TTYH2: variants seen among roughly 807,000 people sequenced by gnomAD.
TTYH2 encodes the protein protein tweety homolog 2.
In TTYH2, 49 loss-of-function variants were observed where a neutral mutation model predicts 68.3. That is an observed-to-expected ratio of 0.72 (90% CI 0.57 to 0.91). The LOEUF (loss-of-function observed/expected upper bound fraction) is 0.91. Ranked by LOEUF, TTYH2 falls within the 40% of genes least tolerant of loss-of-function variation. TTYH2 has a pLI of 0.00. For missense variants in TTYH2, 631 were observed against 700.4 expected, an observed-to-expected ratio of 0.90 and a Z score of 1.12; for synonymous variants, 272 against 300.8, an observed-to-expected ratio of 0.90 and a Z score of 0.99.
In TTYH2 at chr17:74,213,685, C is replaced by G. The variant is rs1007905577; in HGVS notation, c.98C>G (p.Thr33Ser). The part of the protein sequence containing the change: ...VGLRLQPVNS[T>S]FSPGDESYQE... ...CTGCGCCTGCAGCCCGTGAACAGCA[C>G]CTTCAGCCCCGGCGACGAGAGTTAC... The change falls in exon 1 of 14, where the codon ACC becomes AGC. Residue 33 changes from threonine to serine, a missense_variant. Thr to Ser is a moderately conservative substitution (Grantham distance 58, BLOSUM62 1). Coordinates refer to ENST00000269346, the MANE Select transcript of TTYH2 (RefSeq NM_032646.6). This position sits in a 1 kb window ranked among gnomAD's most constrained non-coding sequence, Gnocchi z 6.1. The G allele has an allele frequency of 3.7e-6, 6 of 1,612,724 alleles. No individual in the cohort carries two copies. The highest frequency in any genetic ancestry group is 5.1e-6 in the Non-Finnish European group (6 of 1,179,540).
At chr17:74,225,862 G>A (rs73356612) in intron 2 of TTYH2, among the ~76,000 whole-genome samples, 6,285 of 152,282 alleles carry the variant, frequency 0.041, 399 homozygotes, top group African/African-American at 0.14. Context: ...GGAGGGACAG[G>A]TCCAGGCAGA....
chr17:74,218,645 C>T (rs1350185063), intron 1 of TTYH2, among the ~76,000 whole-genome samples: 1 of 152,178 alleles, frequency 6.6e-6, no homozygotes, highest in Non-Finnish European at 1.5e-5. Flanking sequence ...GGAGAGGCCC[C>T]AGGCCACAGG....
intron 6 of TTYH2, among the ~76,000 whole-genome samples, chr17:74,246,378 T>C (rs2050557646): frequency 6.6e-6 from 1 of 152,188 alleles, no homozygotes; most frequent in Non-Finnish European, 1.5e-5. Context: ...ACACAGAGAA[T>C]AACAGGACTT....
At chr17:74,259,084 C>CT (rs1268317845) in intron 13 of TTYH2, among the ~76,000 whole-genome samples, 1 of 152,188 alleles carries the variant, frequency 6.6e-6, no homozygotes, top group African/African-American at 2.4e-5. Context: ...GGACGAGTAA[C>CT]TAAGTTCTGT....
chr17:74,219,403 A>AAAAAAAAAAAAAAAAAAAAAAAAAG (rs1241503126), intron 1 of TTYH2, among the ~76,000 whole-genome samples: 4 of 149,652 alleles, frequency 2.7e-5, no homozygotes, highest in African/African-American at 1.0e-4. Flanking sequence ...AAAAAAAAAA[A>AAAAAAAAAAAAAAAAAAAAAAAAAG]GAATAACTTA....
At chr17:74,224,288 C>T (rs544301124) in intron 2 of TTYH2, among the ~76,000 whole-genome samples, 45 of 152,234 alleles carry the variant, frequency 3.0e-4, no homozygotes, top group Middle Eastern at 3.4e-3. Context: ...GTAGTCCTGA[C>T]TGAGGCAGGA....
chr17:74,240,487 G>T (rs934625522), intron 4 of TTYH2, among the ~76,000 whole-genome samples: 2 of 150,878 alleles, frequency 1.3e-5, no homozygotes, highest in Non-Finnish European at 2.9e-5. Context: ...CACCTATGGC[G>T]CCTGAACATC....
intron 10 of TTYH2, chr17:74,251,845 A>C: frequency 4.9e-6 from 1 of 204,590 alleles, no homozygotes; most frequent in South Asian, 9.1e-5. Context: ...CTGCTGGCCT[A>C]TGTTCTCTCT....
At chr17:74,233,324 G>C (rs1302000885) in intron 3 of TTYH2, among the ~76,000 whole-genome samples, 2 of 152,216 alleles carry the variant, frequency 1.3e-5, no homozygotes, top group East Asian at 3.8e-4. Context: ...GGAGGCAGCA[G>C]ATCTTAGAAG....
At chr17:74,253,412 C>A in intron 12 of TTYH2, 146 bp downstream of exon 12, 1 of 970,384 alleles carries the variant, frequency 1.0e-6, no homozygotes, top group South Asian at 1.7e-5. Flanking sequence ...GGGAAGGCCC[C>A]CGGGGAGCAT....
At chr17:74,248,899 C>A in intron 6 of TTYH2, 112 bp from the exon 7 acceptor site, 1 of 1,563,476 alleles carries the variant, frequency 6.4e-7, no homozygotes, top group South Asian at 1.2e-5. Flanking sequence ...CTGTCCTTTG[C>A]CACCTGGGAG....
rs181726945 is a variant in TTYH2, at chr17:74,241,296, T to C, written c.636-2078T>C. Among the ~76,000 whole-genome samples, 2,304 of 146,348 alleles carry C rather than the reference T, an allele frequency of 0.016. 68 individuals are homozygous for C. The highest frequency in any genetic ancestry group is 0.052 in the African/African-American group (2,080 of 39,746). On this transcript the variant is annotated intron_variant, in intron 4 of 13. Transcript: ENST00000269346. The surrounding 1 kb of genome is among the most constrained non-coding windows in gnomAD (Gnocchi z 4.1). Reference sequence around the variant, plus strand: ...GTGTGTGTGTGTGTGTGTGTGTGTGTGCGTGTAAAAATAAGAATGTGATCC... The same window carrying C: ...GTGTGTGTGTGTGTGTGTGTGTGTGCGCGTGTAAAAATAAGAATGTGATCC...
chr17:74,234,210 AG>A (rs1181028999), intron 3 of TTYH2, among the ~76,000 whole-genome samples: 1 of 152,188 alleles, frequency 6.6e-6, no homozygotes, highest in East Asian at 1.9e-4. Flanking sequence ...GTGAGTTCCC[AG>A]GGGGTGCATC....
rs978253134 is a variant in TTYH2 at position 74,213,903 on chromosome 17, G to C, written c.129+187G>C. 6.6e-6 allele frequency among the ~76,000 whole-genome samples: 1 copy of C among 151,952 alleles called. No individual in the cohort carries two copies. The highest frequency in any genetic ancestry group is 1.5e-5 in the Non-Finnish European group (1 of 67,980). On this transcript the variant is annotated intron_variant, in intron 1 of 13. Coordinates refer to ENST00000269346, the MANE Select transcript of TTYH2 (RefSeq NM_032646.6). The surrounding 1 kb of genome is among the most constrained non-coding windows in gnomAD (Gnocchi z 6.1). ...AGGCCCGTGGCCCGCGTCCCCTCCT[G>C]TCTGGGAACCTGGGGGCCGGGAAAA... is the stretch of plus-strand genomic sequence containing the variant.
chr17:74,251,505 CCT>C (rs1004408448), intron 10 of TTYH2, among the ~76,000 whole-genome samples: 89 of 152,026 alleles, frequency 5.9e-4, no homozygotes, highest in African/African-American at 2.1e-3. Flanking sequence ...GGCAGTCACC[CCT>C]GTCTCCTCTC....
chr17:74,245,689 G>A (rs1030727847), intron 6 of TTYH2, among the ~76,000 whole-genome samples: 3 of 152,246 alleles, frequency 2.0e-5, no homozygotes, highest in Non-Finnish European at 4.4e-5. Context: ...CGGTGGAGCT[G>A]AATGGGCTTT....
rs2050205362 is a variant in TTYH2 at position 74,214,731 on chromosome 17, C to A, written c.129+1015C>A. 6.6e-6 allele frequency among the ~76,000 whole-genome samples: 1 copy of A among 152,180 alleles called. No homozygotes were observed. The highest frequency in any genetic ancestry group is 2.4e-5 in the African/African-American group (1 of 41,438). On this transcript the variant is annotated intron_variant, in intron 1 of 13. Transcript: ENST00000269346. The surrounding 1 kb of genome is among the most constrained non-coding windows in gnomAD (Gnocchi z 4.6). ...GTCAAAGATTCTGGGGCCAGTGGACCAGGATGAGGTCCATTTATTCAGAGC... is the reference window on the plus strand; with the variant it reads ...GTCAAAGATTCTGGGGCCAGTGGACAAGGATGAGGTCCATTTATTCAGAGC...
In TTYH2 at chr17:74,213,768, C is replaced by A. The variant is rs770573832; in HGVS notation, c.129+52C>A. The A allele has an allele frequency of 1.9e-6, 3 of 1,588,720 alleles. No homozygotes were observed. The Admixed American group carries it at 5.2e-5, about 27-fold the overall frequency. On this transcript the variant is annotated intron_variant, in intron 1 of 13. Transcript: ENST00000269346. The surrounding 1 kb of genome is among the most constrained non-coding windows in gnomAD (Gnocchi z 6.1). The stretch of plus-strand genomic sequence containing the variant: ...GCCACGCGCGCCCCAAGTCCCCGCA[C>A]TACCCCCTCTCCCCTCGAGAGCCTG...
chr17:74,223,910 A>G (rs2050304219), intron 2 of TTYH2, among the ~76,000 whole-genome samples: 1 of 152,192 alleles, frequency 6.6e-6, no homozygotes, highest in African/African-American at 2.4e-5. Flanking sequence ...AGGCTCACCT[A>G]AGCCAAAACG....
Sources: gnomAD v4.1 joint callset for allele counts (sites outside exome capture counted in the v4.1 genomes callset) on GRCh38, gnomAD v4.1.1 for gene constraint, Gnocchi (gnomAD v3.1) non-coding constraint, MANE v1.5 for transcripts, NCBI Gene and HGNC (gene_info 2026-07-23, HGNC 2026-07-21) for gene names.